The following MAN1A2 variants were observed in gnomAD, a reference collection of about 807,000 sequenced individuals.
MAN1A2 encodes the protein mannosidase alpha class 1A member 2, also known as mannosyl-oligosaccharide 1,2-alpha-mannosidase IB.
MAN1A2 carries 26 observed loss-of-function variants against 75.7 expected under a neutral mutation model. The ratio of observed to expected loss-of-function variants is 0.34; its 90% CI spans 0.25 to 0.48. MAN1A2 has a LOEUF of 0.48. Ranked by LOEUF, MAN1A2 falls within the 20% of genes least tolerant of loss-of-function variation. MAN1A2 has a pLI of 0.99. For missense variants in MAN1A2, 562 were observed against 775.5 expected (o/e 0.72, Z 3.27); for synonymous variants, 247 against 264.6 (o/e 0.93, Z 0.65).
intron 1 of MAN1A2, among the ~76,000 whole-genome samples, chr1:117,373,814 T>G (rs1450593443): frequency 1.3e-5 from 2 of 152,134 alleles, no homozygotes; most frequent in Non-Finnish European, 2.9e-5. Flanking sequence ...TTTATCGATA[T>G]GGATACTTTC....
intron 12 of MAN1A2, among the ~76,000 whole-genome samples, chr1:117,514,646 G>A (rs1215734668): frequency 2.0e-5 from 3 of 152,114 alleles, no homozygotes; most frequent in Non-Finnish European, 4.4e-5. Flanking sequence ...TAGTGGCTTT[G>A]TCCATAAAAC....
In MAN1A2 at chr1:117,527,998, C is replaced by A. The variant is rs1292938237; in HGVS notation, c.*5041C>A. ...TGAGGAGTGCAGAGAAAAGATATAT[C>A]CAAAAGGAGAATCCCTTTCTCTTGC... is the stretch of plus-strand genomic sequence containing the variant. On this transcript the variant is annotated 3_prime_UTR_variant, in exon 13 of 13. Transcript: ENST00000356554. The A allele has an allele frequency of 6.6e-6, 1 of 151,978 alleles. No individual in the cohort carries two copies. The highest frequency in any genetic ancestry group is 2.4e-5 in the African/African-American group (1 of 41,402). The allele number at this position is 151,978 out of a possible 1,614,324, so 9.4% of individuals were successfully genotyped here. A position where few individuals can be genotyped will look rare whatever the true frequency, so the allele number is the denominator to read the frequency against.
intron 4 of MAN1A2, among the ~76,000 whole-genome samples, chr1:117,417,706 ACTCTCT>A (rs772502807): frequency 8.6e-4 from 124 of 143,586 alleles, no homozygotes; most frequent in African/African-American, 2.7e-3. Context: ...ACACACACAC[ACTCTCT>A]CTCTCTCTCT....
chr1:117,483,519 C>T (rs763920147), intron 8 of MAN1A2, among the ~76,000 whole-genome samples: 2 of 152,018 alleles, frequency 1.3e-5, no homozygotes, highest in African/African-American at 2.4e-5. Context: ...TGGGAGTTCA[C>T]TCATGATTTG....
chr1:117,370,872 TTTAG>T (rs2101712180), intron 1 of MAN1A2, among the ~76,000 whole-genome samples: 1 of 152,238 alleles, frequency 6.6e-6, no homozygotes, highest in Admixed American at 6.5e-5. Flanking sequence ...GAGATACTTG[TTTAG>T]TTAGTATTTC....
At chr1:117,429,009 CG>C (rs1261187430) in intron 5 of MAN1A2, among the ~76,000 whole-genome samples, 1 of 145,160 alleles carries the variant, frequency 6.9e-6, no homozygotes, top group Non-Finnish European at 1.5e-5. Context: ...TGACTCTTAA[CG>C]AGCATGCTGC....
At chr1:117,423,755 A>C (rs1409759848) in intron 5 of MAN1A2, among the ~76,000 whole-genome samples, 1 of 152,190 alleles carries the variant, frequency 6.6e-6, no homozygotes, top group African/African-American at 2.4e-5. Context: ...ATTTTAAAAA[A>C]GTGCTAAAGG....
Position 117,429,377 on chromosome 1 carries a change from G to A in MAN1A2, c.855+8728G>A, listed in dbSNP as rs1269845619. On this transcript the variant is annotated intron_variant, in intron 5 of 12. Coordinates refer to ENST00000356554, the MANE Select transcript of MAN1A2 (RefSeq NM_006699.5). The stretch of plus-strand genomic sequence containing the variant: ...GGGCTCCTCACTTCCCAGTAGGGGC[G>A]GCCGGGCAGAGGCGCCCCTCACCTC... 7.2e-3 allele frequency among the ~76,000 whole-genome samples: 988 copies of A among 137,762 alleles called. 13 individuals carry two copies. The highest frequency in any genetic ancestry group is 0.025 in the African/African-American group (938 of 36,808). The allele number at this position is 137,762 out of a possible 152,430, so 90.4% of individuals were successfully genotyped here. A position where few individuals can be genotyped will look rare whatever the true frequency, so the allele number is the denominator to read the frequency against.
intron 8 of MAN1A2, 123 bp downstream of exon 8, chr1:117,466,550 G>C (rs1014472824): frequency 3.5e-6 from 2 of 567,254 alleles, no homozygotes; most frequent in African/African-American, 3.9e-5. Context: ...CTTGTGGTCT[G>C]CTGGTGCTGT....
intron 6 of MAN1A2, among the ~76,000 whole-genome samples, chr1:117,458,484 A>AATATATATATCTATATATATATATCT (rs1313468537): frequency 9.5e-6 from 1 of 104,782 alleles, no homozygotes; most frequent in Non-Finnish European, 1.9e-5. Flanking sequence ...TAAGATGAGA[A>AATATATATATCTATATATATATATCT]ATATATATAT....
chr1:117,496,698 G>A, intron 9 of MAN1A2, 65 bp from the exon 10 acceptor site: 1 of 1,161,580 alleles, frequency 8.6e-7, no homozygotes, highest in Non-Finnish European at 1.3e-6. Flanking sequence ...TGGCCAGAAG[G>A]ATATAGTAAG....
rs1651949138 is a variant in MAN1A2, at chr1:117,524,357, TA to T, written c.*1403del. ...CTGTAAGATAAATATCTAGTGCTTA[TA>T]AATTTTCTGTCCTTAAATTTATGTG... On this transcript the variant is annotated 3_prime_UTR_variant, in exon 13 of 13. Transcript: ENST00000356554. 6.6e-6 allele frequency: 1 copy of T among 152,024 alleles called. No individual in the cohort carries two copies. Among genetic ancestry groups the T allele is most frequent in the Non-Finnish European group, 1.5e-5 (1 of 67,826 alleles). The allele number at this position is 152,024 out of a possible 1,614,324, so 9.4% of individuals were successfully genotyped here. A position where few individuals can be genotyped will look rare whatever the true frequency, so the allele number is the denominator to read the frequency against.
intron 8 of MAN1A2, among the ~76,000 whole-genome samples, chr1:117,468,904 T>C (rs576030491): frequency 2.0e-5 from 3 of 152,326 alleles, no homozygotes; most frequent in African/African-American, 7.2e-5. Context: ...TTACTGTTAC[T>C]ATCCAGATTT....
At chr1:117,400,506 G>C (rs1647388472) in intron 1 of MAN1A2, among the ~76,000 whole-genome samples, 1 of 147,168 alleles carries the variant, frequency 6.8e-6, no homozygotes, top group Non-Finnish European at 1.5e-5. Context: ...TTCCTTTATA[G>C]TTAGCCCATC....
rs1416431280 is a variant in MAN1A2, at chr1:117,523,073, G to A, written c.*116G>A. ...GACCTCTATGTCAACATGACAGGGT[G>A]AAACTATTCCCCCTAAGACTGTTCA... On this transcript the variant is annotated 3_prime_UTR_variant, in exon 13 of 13. Coordinates refer to ENST00000356554, the MANE Select transcript of MAN1A2 (RefSeq NM_006699.5). 4 of 1,105,980 alleles carry A rather than the reference G, an allele frequency of 3.6e-6. No homozygotes were observed. The East Asian group carries it at 9.4e-5, about 26-fold the overall frequency. The allele number at this position is 1,105,980 out of a possible 1,614,324, so 68.5% of individuals were successfully genotyped here.
intron 3 of MAN1A2, among the ~76,000 whole-genome samples, chr1:117,410,812 C>A (rs764169425): frequency 6.6e-6 from 1 of 151,400 alleles, no homozygotes; most frequent in Non-Finnish European, 1.5e-5. Context: ...GGTATACTTG[C>A]AACAAACAGT....
intron 4 of MAN1A2, among the ~76,000 whole-genome samples, chr1:117,416,708 C>T (rs1225725616): frequency 6.6e-6 from 1 of 152,152 alleles, no homozygotes; most frequent in Non-Finnish European, 1.5e-5. Flanking sequence ...CAGCTGCCAC[C>T]TGTGGGGACT....
chr1:117,414,517 A>G (rs1376059264), intron 3 of MAN1A2, among the ~76,000 whole-genome samples, 196 bp from the exon 4 acceptor site: 1 of 151,508 alleles, frequency 6.6e-6, no homozygotes, highest in Non-Finnish European at 1.5e-5. Flanking sequence ...TCTAATATAT[A>G]CATATAATTT....
intron 6 of MAN1A2, among the ~76,000 whole-genome samples, chr1:117,457,082 T>C (rs982594769): frequency 6.6e-6 from 1 of 152,106 alleles, no homozygotes; most frequent in African/African-American, 2.4e-5. Flanking sequence ...ATTGATTAAA[T>C]ATATTCGACT....
Sources: allele counts gnomAD v4.1 joint callset (sites outside exome capture counted in the v4.1 genomes callset), GRCh38; gene constraint gnomAD v4.1.1; transcripts MANE v1.5; gene names NCBI Gene and HGNC (gene_info 2026-07-23, HGNC 2026-07-21).